ZNF839: variants seen among roughly 807,000 people sequenced by gnomAD.
ZNF839 encodes zinc finger protein 839, also known as renal carcinoma antigen NY-REN-50.
ZNF839 carries 38 observed loss-of-function variants against 56.4 expected under a neutral mutation model. That is an observed-to-expected ratio of 0.67 (90% CI 0.52 to 0.88). The LOEUF (loss-of-function observed/expected upper bound fraction) is 0.88. Ranked by LOEUF, ZNF839 falls within the 40% of genes least tolerant of loss-of-function variation. The probability of loss-of-function intolerance (pLI) is 0.00; values close to 1 mark genes in which losing one functional copy is unlikely to be tolerated. For synonymous variants in ZNF839, 486 were observed against 493.5 expected (o/e 0.98, Z 0.20); for missense variants, 1,091 against 1,177.6 (o/e 0.93, Z 1.08).
intron 1 of ZNF839, among the ~76,000 whole-genome samples, chr14:102,324,337 G>C (rs2073292830): frequency 6.6e-6 from 1 of 152,172 alleles, no homozygotes; most frequent in South Asian, 2.1e-4. Context: ...GAGGTCAGGA[G>C]TTTGAGACCA....
intron 1 of ZNF839, among the ~76,000 whole-genome samples, chr14:102,325,449 A>G (rs960523099): frequency 6.6e-6 from 1 of 152,036 alleles, no homozygotes; most frequent in African/African-American, 2.4e-5. Flanking sequence ...AGATATTTAT[A>G]TACACGTGTA....
Position 102,325,294 on chromosome 14 carries a change from G to A in ZNF839, c.289-691G>A, listed in dbSNP as rs548308487. ...GCAGAGGTTACAGTGAACTGAGATCGCACCACTGCACTCTAGCCTGGGTGA... is the reference window on the plus strand; with the variant it reads ...GCAGAGGTTACAGTGAACTGAGATCACACCACTGCACTCTAGCCTGGGTGA... On this transcript the variant is annotated intron_variant, in intron 1 of 7. Transcript: ENST00000442396. Among the ~76,000 whole-genome samples the A allele has an allele frequency of 1.7e-3, 252 of 147,702 alleles. 1 individual carries two copies. Among genetic ancestry groups the A allele is most frequent in the African/African-American group, 6.0e-3 (242 of 40,008 alleles).
At chr14:102,323,523 G>A (rs2073243242) in intron 1 of ZNF839, among the ~76,000 whole-genome samples, 2 of 152,152 alleles carry the variant, frequency 1.3e-5, no homozygotes, top group Admixed American at 6.5e-5. Context: ...AATATTTGTG[G>A]GGTGTTATTG....
In ZNF839 at chr14:102,326,424, C is replaced by A; in HGVS notation, c.728C>A (p.Ser243Ter). 6.2e-7 allele frequency: 1 copy of A among 1,613,738 alleles called. No individual in the cohort carries two copies. The change falls in exon 2 of 8, where the codon TCG (serine) becomes TAG (stop). Residue 243 changes from serine (S) to a stop codon, truncating the protein, a stop_gained. Transcript: ENST00000442396. LOFTEE classifies it high-confidence loss of function. This position sits in a 1 kb window ranked among gnomAD's most constrained non-coding sequence, Gnocchi z 4.3. ...HTRHTEKLKKSLKVKTRSGRV... is the reference protein window; with the variant it reads ...HTRHTEKLKK The stretch of plus-strand genomic sequence containing the variant: ...AGACATACTGAGAAACTAAAAAAAT[C>A]GTTAAAAGTAAAGACACGTTCTGGA...
chr14:102,326,736 T>C lies in ZNF839; in HGVS notation c.1040T>C (p.Leu347Pro). The change falls in exon 2 of 8, where the codon CTG becomes CCG. Residue 347 changes from leucine (L) to proline (P), a missense_variant. By Grantham distance (98) the Leu-to-Pro change is moderately conservative. Transcript: ENST00000442396. This position sits in a 1 kb window ranked among gnomAD's most constrained non-coding sequence, Gnocchi z 4.3. Reference sequence around the variant, plus strand: ...GGCCAGTTGGACCCCGAGATGGTGCTGTCTGAGAAAGCCAGTGGAAGCACC... The same window carrying C: ...GGCCAGTTGGACCCCGAGATGGTGCCGTCTGAGAAAGCCAGTGGAAGCACC... Reference protein sequence around the residue: ...GHGQLDPEMVLSEKASGSTLR... With the variant: ...GHGQLDPEMVPSEKASGSTLR... 1.2e-6 allele frequency: 2 copies of C among 1,613,300 alleles called. No homozygotes were observed. Among genetic ancestry groups the C allele is most frequent in the Non-Finnish European group, 8.5e-7 (1 of 1,179,660 alleles).
In ZNF839 at chr14:102,326,160, C is replaced by CGCTTGTGA. The variant is rs758236305; in HGVS notation, c.466_473dup (p.Arg158SerfsTer3). On this transcript the variant is annotated frameshift_variant, in exon 2 of 8. Coordinates refer to ENST00000442396, the MANE Select transcript of ZNF839 (RefSeq NM_018335.6). LOFTEE classifies it high-confidence loss of function. This position sits in a 1 kb window ranked among gnomAD's most constrained non-coding sequence, Gnocchi z 4.3. The stretch of plus-strand genomic sequence containing the variant: ...AGCCCTCAGCTGCTCAGGGTACAGC[C>CGCTTGTGA]GCTTGTGAGAACCGAGCCACAGTCC... 4 of 1,613,832 alleles carry CGCTTGTGA rather than the reference C, an allele frequency of 2.5e-6. No individual in the cohort carries two copies. Among genetic ancestry groups the CGCTTGTGA allele is most frequent in the Non-Finnish European group, 3.4e-6 (4 of 1,179,808 alleles).
intron 4 of ZNF839, 141 bp from the exon 5 acceptor site, chr14:102,335,548 T>C: frequency 2.6e-6 from 2 of 775,774 alleles, no homozygotes; most frequent in Non-Finnish European, 4.0e-6. Flanking sequence ...CAGTAGGTGC[T>C]CACTGGGGAC....
intron 1 of ZNF839, among the ~76,000 whole-genome samples, chr14:102,323,290 A>G (rs1042801761): frequency 6.6e-6 from 1 of 152,234 alleles, no homozygotes; most frequent in Admixed American, 6.5e-5. Context: ...TCCTCCAGCC[A>G]CCCATGTCAA....
chr14:102,323,206 G>C (rs935630094), intron 1 of ZNF839, among the ~76,000 whole-genome samples: 2 of 152,244 alleles, frequency 1.3e-5, no homozygotes, highest in East Asian at 1.9e-4. Flanking sequence ...GGGGGCACTT[G>C]GCAATGTCTT....
At position 102,341,330 on chromosome 14, in the gene ZNF839, C is replaced by T. The variant is rs1597738649; in HGVS notation, c.1935C>T (p.Ser645=). Residue 645 remains serine, a synonymous_variant, in exon 8 of 8, where the codon TCC becomes TCT. Coordinates refer to ENST00000442396, the MANE Select transcript of ZNF839 (RefSeq NM_018335.6). ...GTTTCCCAAAATGTTTAGGTTTTTCCCCTCCAGTAAATGTGACTGTCTCTC... is the reference window on the plus strand; with the variant it reads ...GTTTCCCAAAATGTTTAGGTTTTTCTCCTCCAGTAAATGTGACTGTCTCTC... The part of the protein sequence containing the change: ...RPLHALAAGF[S]PPVNVTVSPR... 6.6e-7 allele frequency: 1 copy of T among 1,517,614 alleles called. No homozygotes were observed. Among genetic ancestry groups the T allele is most frequent in the Non-Finnish European group, 8.8e-7 (1 of 1,133,464 alleles). The allele number at this position is 1,517,614 out of a possible 1,614,324, so 94.0% of individuals were successfully genotyped here.
At chr14:102,325,342 A>G (rs779613364) in intron 1 of ZNF839, among the ~76,000 whole-genome samples, 25 of 108,076 alleles carry the variant, frequency 2.3e-4, no homozygotes, top group Non-Finnish European at 3.6e-4. Context: ...CTAATCTCAG[A>G]AAAAAAAAAA....
chr14:102,326,123 C>G lies in ZNF839; in HGVS notation c.427C>G (p.Leu143Val). 6.2e-7 allele frequency: 1 copy of G among 1,613,944 alleles called. No individual in the cohort carries two copies. Reference sequence around the variant, plus strand: ...CCGGGGGAATTCCTGCCTGGTGGGGCTCCATATCGCCAGCCCTCAGCTGCT... The same window carrying G: ...CCGGGGGAATTCCTGCCTGGTGGGGGTCCATATCGCCAGCCCTCAGCTGCT... ...LPRGNSCLVGLHIASPQLLRV... is the reference protein window; with the variant it reads ...LPRGNSCLVGVHIASPQLLRV... Residue 143 changes from leucine (L) to valine (V), a missense_variant, in exon 2 of 8, where the codon CTC (leucine) becomes GTC (valine). This residue lies in a region of ZNF839 where 614 missense variants were observed against 629.2 expected (regional missense o/e 0.98). Transcript: ENST00000442396. This position sits in a 1 kb window ranked among gnomAD's most constrained non-coding sequence, Gnocchi z 4.3.
In ZNF839 at chr14:102,339,130, A is replaced by G; in HGVS notation, c.1834A>G (p.Arg612Gly). The G allele has an allele frequency of 6.2e-7, 1 of 1,613,650 alleles. No individual in the cohort carries two copies. The highest frequency in any genetic ancestry group is 8.5e-7 in the Non-Finnish European group (1 of 1,179,722). Reference protein sequence around the residue: ...EEGLASVKRPRREALSNDTTE... With the variant: ...EEGLASVKRPGREALSNDTTE... ...GGGACTGGCCTCAGTGAAAAGGCCC[A>G]GAAGAGAAGCCCTGTCCAACGATAC... The change falls in exon 7 of 8, where the codon AGA (arginine) becomes GGA (glycine). Residue 612 changes from arginine to glycine, a missense_variant. By Grantham distance (125) the Arg-to-Gly change is moderately radical. Around this residue, in one of 3 missense-constraint regions of ZNF839, gnomAD observed 431 missense variants for 468.0 expected, o/e 0.92. Coordinates refer to ENST00000442396, the MANE Select transcript of ZNF839 (RefSeq NM_018335.6).
At position 102,319,879 on chromosome 14, in the gene ZNF839, C is replaced by T. The variant is rs973571972; in HGVS notation, c.114C>T (p.Pro38=). 8 of 1,283,792 alleles carry T rather than the reference C, an allele frequency of 6.2e-6. No individual in the cohort carries two copies. Among genetic ancestry groups the T allele is most frequent in the Non-Finnish European group, 7.9e-6 (8 of 1,011,308 alleles). The allele number at this position is 1,283,792 out of a possible 1,614,324, so 79.5% of individuals were successfully genotyped here. A position where few individuals can be genotyped will look rare whatever the true frequency, so the allele number is the denominator to read the frequency against. The change falls in exon 1 of 8, where the codon CCC becomes CCT. Residue 38 remains proline, a synonymous_variant. Transcript: ENST00000442396. This position sits in a 1 kb window ranked among gnomAD's most constrained non-coding sequence, Gnocchi z 4.5. ...GSVARVAPLG[P]EQLRQVLEQV... ...TCGCACGTGTGGCCCCGCTGGGCCC[C>T]GAGCAGCTGCGGCAGGTCCTGGAGC...
At chr14:102,328,645 ACT>A (rs918623702) in intron 2 of ZNF839, among the ~76,000 whole-genome samples, 2 of 151,254 alleles carry the variant, frequency 1.3e-5, no homozygotes, top group African/African-American at 4.9e-5. Context: ...GTAAACACCA[ACT>A]CTCCATTCCC....
chr14:102,334,454 G>A, intron 3 of ZNF839, 100 bp from the exon 4 acceptor site: 1 of 803,868 alleles, frequency 1.2e-6, no homozygotes, highest in Non-Finnish European at 2.1e-6. Context: ...GAAATTTTTG[G>A]AGAACTTTCT....
rs149139524 is a variant in ZNF839, at chr14:102,325,381, C to T, written c.289-604C>T. On this transcript the variant is annotated intron_variant, in intron 1 of 7. Coordinates refer to ENST00000442396, the MANE Select transcript of ZNF839 (RefSeq NM_018335.6). Reference sequence around the variant, plus strand: ...AATGATGTAGAATAGATACAATCAGCGGGCATTTATATAGGGATGGTAAGT... The same window carrying T: ...AATGATGTAGAATAGATACAATCAGTGGGCATTTATATAGGGATGGTAAGT... Among the ~76,000 whole-genome samples, 67 of 151,550 alleles carry T rather than the reference C, an allele frequency of 4.4e-4. 2 individuals are homozygous for T. The highest frequency in any genetic ancestry group is 2.3e-3 in the East Asian group (12 of 5,166).
upstream of ZNF839, chr14:102,319,547 A>T: frequency 2.2e-6 from 1 of 456,760 alleles, no homozygotes; most frequent in Non-Finnish European, 3.4e-6. The surrounding 1 kb of genome is among the most constrained non-coding windows in gnomAD (Gnocchi z 4.5). Context: ...CGTGACAGGC[A>T]ATAAGGAAAA....
At chr14:102,320,130 CG>C in intron 1 of ZNF839, 77 bp downstream of exon 1, 2 of 1,079,390 alleles carry the variant, frequency 1.9e-6, no homozygotes, top group Admixed American at 5.3e-5. Context: ...GCTGCTTGTC[CG>C]GGGAGGCCAG....
Sources: allele counts gnomAD v4.1 joint callset (sites outside exome capture counted in the v4.1 genomes callset), GRCh38; gene constraint gnomAD v4.1.1; regional missense constraint gnomAD v4.1.1; non-coding constraint Gnocchi (gnomAD v3.1); transcripts MANE v1.5; gene names NCBI Gene and HGNC (gene_info 2026-07-23, HGNC 2026-07-21).